KHDRBS2: variants seen among roughly 807,000 people sequenced by gnomAD.
KHDRBS2 encodes KH domain-containing, RNA-binding, signal transduction-associated protein 2.
In KHDRBS2, 26 loss-of-function variants were observed where a neutral mutation model predicts 44.3. The observed-to-expected ratio is 0.59, with a 90% confidence interval of 0.43 to 0.81. The LOEUF is 0.81. KHDRBS2 is among the 40% of genes least tolerant of loss of function. KHDRBS2 has a pLI of 0.00. For missense variants in KHDRBS2, 476 were observed against 433.1 expected, an observed-to-expected ratio of 1.10 and a Z score of -0.88; for synonymous variants, 194 against 151.1, an observed-to-expected ratio of 1.28 and a Z score of -2.08.
intron 6 of KHDRBS2, among the ~76,000 whole-genome samples, chr6:61,801,197 T>G (rs1400479071): frequency 6.6e-6 from 1 of 152,226 alleles, no homozygotes; most frequent in Non-Finnish European, 1.5e-5. Flanking sequence ...ACATTTCCAC[T>G]GATTTTTTTT....
chr6:62,005,973 C>A (rs533982201), intron 3 of KHDRBS2, among the ~76,000 whole-genome samples: 99 of 151,854 alleles, frequency 6.5e-4, no homozygotes, highest in African/African-American at 2.2e-3. Flanking sequence ...AATTTGAAAG[C>A]AATATTAAGA....
chr6:61,652,125 C>G, the KHDRBS2 span: 1 of 152,032 alleles, frequency 6.6e-6, no homozygotes, highest in African/African-American at 2.4e-5. Flanking sequence ...GTTCCTAATT[C>G]TCTCCTCTCT....
intron 6 of KHDRBS2, among the ~76,000 whole-genome samples, chr6:61,826,216 C>T (rs1790832419): frequency 6.6e-6 from 1 of 151,988 alleles, no homozygotes; most frequent in Non-Finnish European, 1.5e-5. Context: ...TTTGTCTCAT[C>T]CACTCTTCTC....
In KHDRBS2 at chr6:61,911,191, C is replaced by T. The variant is rs1278434094; in HGVS notation, c.484-9820G>A. Among the ~76,000 whole-genome samples, 4 of 152,160 alleles carry T rather than the reference C, an allele frequency of 2.6e-5. No homozygotes were observed. In the East Asian group the frequency reaches 7.7e-4, roughly 29 times the overall value. On this transcript the variant is annotated intron_variant, in intron 4 of 8. Coordinates refer to ENST00000281156, the MANE Select transcript of KHDRBS2 (RefSeq NM_152688.4). ...TAACCTAGGAATTCTAGGCCTTCCT[C>T]TGGACGTGGAAAATTTATATATTCA...
At chr6:61,699,733 G>C (rs2127545082) in intron 7 of KHDRBS2, among the ~76,000 whole-genome samples, 1 of 152,122 alleles carries the variant, frequency 6.6e-6, no homozygotes, top group Middle Eastern at 3.4e-3. Context: ...AAAAAGAGGG[G>C]CAGAGAGAAC....
chr6:61,604,445 C>T, the KHDRBS2 span, among the ~76,000 whole-genome samples: 1 of 152,216 alleles, frequency 6.6e-6, no homozygotes, highest in African/African-American at 2.4e-5. Flanking sequence ...CTATCAATCT[C>T]TTCCCACACA....
chr6:61,909,926 A>G (rs749716779), intron 4 of KHDRBS2, among the ~76,000 whole-genome samples: 1 of 152,240 alleles, frequency 6.6e-6, no homozygotes, highest in Non-Finnish European at 1.5e-5. Flanking sequence ...AACTGTGTTT[A>G]TAGCCACTGG....
chr6:62,088,825 C>A (rs1341148031), intron 2 of KHDRBS2, among the ~76,000 whole-genome samples: 4 of 152,152 alleles, frequency 2.6e-5, no homozygotes, highest in Admixed American at 2.0e-4. Context: ...ACCGTAGCCA[C>A]CCCTTGCCCC....
At chr6:61,876,695 A>T (rs1413505267) in intron 6 of KHDRBS2, among the ~76,000 whole-genome samples, 1 of 152,000 alleles carries the variant, frequency 6.6e-6, no homozygotes, top group African/African-American at 2.4e-5. Context: ...AAAGGACGGG[A>T]GGAGCTTGAA....
chr6:61,735,267 A>G (rs568612287), intron 6 of KHDRBS2, among the ~76,000 whole-genome samples: 1 of 151,752 alleles, frequency 6.6e-6, no homozygotes, highest in Non-Finnish European at 1.5e-5. Flanking sequence ...TTATATATAT[A>G]TTTTTTAAGA....
intron 1 of KHDRBS2, among the ~76,000 whole-genome samples, chr6:62,204,304 C>G (rs1349722846): frequency 6.6e-6 from 1 of 152,162 alleles, no homozygotes; most frequent in Non-Finnish European, 1.5e-5. Flanking sequence ...AGTGCTAAAA[C>G]TAAGACTGCA....
chr6:61,873,383 A>T (rs1798941402), intron 6 of KHDRBS2, among the ~76,000 whole-genome samples: 1 of 152,032 alleles, frequency 6.6e-6, no homozygotes, highest in Admixed American at 6.6e-5. Context: ...ACACCCAATA[A>T]ATTTATGAAA....
intron 2 of KHDRBS2, among the ~76,000 whole-genome samples, chr6:62,151,807 A>C (rs773070358): frequency 6.6e-6 from 1 of 152,324 alleles, no homozygotes; most frequent in East Asian, 1.9e-4. Flanking sequence ...GAATAATTTC[A>C]AATAAAGATA....
chr6:61,802,518 G>A (rs1192243769), intron 6 of KHDRBS2, among the ~76,000 whole-genome samples: 1 of 152,082 alleles, frequency 6.6e-6, no homozygotes, highest in Non-Finnish European at 1.5e-5. Flanking sequence ...TTTTACTTTT[G>A]ATGTTAGAAC....
intron 4 of KHDRBS2, among the ~76,000 whole-genome samples, chr6:61,947,132 A>G (rs1384501594): frequency 6.6e-6 from 1 of 152,194 alleles, no homozygotes; most frequent in African/African-American, 2.4e-5. Context: ...TGTCTTTTAC[A>G]TCTTGTCCAT....
chr6:61,842,441 C>T (rs1793727397), intron 6 of KHDRBS2, among the ~76,000 whole-genome samples: 1 of 152,060 alleles, frequency 6.6e-6, no homozygotes, highest in Non-Finnish European at 1.5e-5. Flanking sequence ...AAATTTTATA[C>T]TAAAGAGAGG....
At position 62,178,319 on chromosome 6, in the gene KHDRBS2, C is replaced by A. The variant is rs115914689; in HGVS notation, c.92-1007G>T. On this transcript the variant is annotated intron_variant, in intron 1 of 8. Coordinates refer to ENST00000281156, the MANE Select transcript of KHDRBS2 (RefSeq NM_152688.4). Reference sequence around the variant, plus strand: ...TCTTGGAATAGAAGAAGCAAGAAAGCCTGTGTGGCTGAAGAATAGTGAATG... The same window carrying A: ...TCTTGGAATAGAAGAAGCAAGAAAGACTGTGTGGCTGAAGAATAGTGAATG... 1.9e-3 allele frequency among the ~76,000 whole-genome samples: 292 copies of A among 151,468 alleles called. 3 individuals are homozygous for A. The highest frequency in any genetic ancestry group is 6.8e-3 in the African/African-American group (282 of 41,426).
chr6:61,740,320 A>G (rs1238149998), intron 6 of KHDRBS2, among the ~76,000 whole-genome samples: 4 of 151,970 alleles, frequency 2.6e-5, no homozygotes, highest in Non-Finnish European at 5.9e-5. Context: ...AGCTGCTAGT[A>G]GCTAGATCTA....
chr6:62,108,428 A>AT (rs1399634863), intron 2 of KHDRBS2, among the ~76,000 whole-genome samples: 3 of 152,200 alleles, frequency 2.0e-5, no homozygotes, highest in Non-Finnish European at 4.4e-5. Flanking sequence ...AATGGCGATC[A>AT]TTAAAAAGTC....
Sources: allele counts gnomAD v4.1 joint callset (sites outside exome capture counted in the v4.1 genomes callset), GRCh38; gene constraint gnomAD v4.1.1; transcripts MANE v1.5; gene names NCBI Gene and HGNC (gene_info 2026-07-23, HGNC 2026-07-21).